MEI4: variants seen among roughly 807,000 people sequenced by gnomAD.
MEI4 encodes meiosis-specific protein MEI4.
Under a neutral mutation model 31.4 loss-of-function variants are expected in MEI4, and 27 were observed. The ratio of observed to expected loss-of-function variants is 0.86; its 90% CI spans 0.63 to 1.19. MEI4 has a LOEUF of 1.19. Ranked by LOEUF, MEI4 falls within the 50% of genes most tolerant of loss-of-function variation. The pLI, the probability that MEI4 is intolerant of heterozygous loss-of-function variation, is 0.00. For missense variants in MEI4, 329 were observed against 398.9 expected, an observed-to-expected ratio of 0.82 and a Z score of 1.49; for synonymous variants, 122 against 145.4, an observed-to-expected ratio of 0.84 and a Z score of 1.16.
intron 3 of MEI4, among the ~76,000 whole-genome samples, chr6:77,785,664 G>C (rs1768715951): frequency 6.6e-6 from 1 of 152,176 alleles, no homozygotes; most frequent in Admixed American, 6.5e-5. Flanking sequence ...TTATTTTTGT[G>C]AGAAGGTGAG....
At position 77,913,196 on chromosome 6, in the gene MEI4, T is replaced by A. The variant is rs145623630; in HGVS notation, c.901-9893T>A. Among the ~76,000 whole-genome samples, 1,230 of 152,292 alleles carry A rather than the reference T, an allele frequency of 8.1e-3. 14 individuals carry two copies. The highest frequency in any genetic ancestry group is 0.048 in the Middle Eastern group (14 of 294). ...GCTGTGTATTTGGTTTTCTAGCATA[T>A]TGTTGATTATGTTTGCAACTGTGTT... On this transcript the variant is annotated intron_variant, in intron 4 of 4. Transcript: ENST00000684080.
intron 2 of MEI4, among the ~76,000 whole-genome samples, chr6:77,734,359 T>A (rs1767113517): frequency 6.6e-6 from 1 of 152,116 alleles, no homozygotes; most frequent in Admixed American, 6.5e-5. Context: ...AGTTAGCTCT[T>A]CTTGTTGAAT....
chr6:77,720,603 G>C (rs1362234350), intron 2 of MEI4, among the ~76,000 whole-genome samples: 1 of 139,208 alleles, frequency 7.2e-6, no homozygotes, highest in Non-Finnish European at 1.6e-5. Flanking sequence ...CCTCTTGAGT[G>C]GGCAGGTGTA....
chr6:77,735,217 C>T (rs1330219535), intron 2 of MEI4, among the ~76,000 whole-genome samples: 1 of 152,004 alleles, frequency 6.6e-6, no homozygotes, highest in East Asian at 1.9e-4. Flanking sequence ...TGGATAATAT[C>T]CTGCAGAGTG....
chr6:77,709,282 T>A (rs964780769), intron 2 of MEI4, among the ~76,000 whole-genome samples: 1 of 152,220 alleles, frequency 6.6e-6, no homozygotes, highest in East Asian at 1.9e-4. Flanking sequence ...TCATTACTTT[T>A]AAAAATTAAT....
At chr6:77,842,364 A>G (rs934748843) in intron 4 of MEI4, among the ~76,000 whole-genome samples, 1 of 152,196 alleles carries the variant, frequency 6.6e-6, no homozygotes, top group Non-Finnish European at 1.5e-5. Flanking sequence ...TTGAAGTGAA[A>G]GTATGACATG....
intron 2 of MEI4, among the ~76,000 whole-genome samples, chr6:77,733,371 T>C (rs781415112): frequency 2.0e-5 from 3 of 152,004 alleles, no homozygotes; most frequent in South Asian, 2.1e-4. Context: ...TGTATGTGTC[T>C]AGGAATTTAT....
At position 77,728,312 on chromosome 6, in the gene MEI4, T is replaced by G. The variant is rs946396771; in HGVS notation, c.233-32818T>G. Among the ~76,000 whole-genome samples the G allele has an allele frequency of 3.3e-5, 5 of 152,220 alleles. No homozygotes were observed. The East Asian group carries it at 9.6e-4, about 29-fold the overall frequency. On this transcript the variant is annotated intron_variant, in intron 2 of 4. Coordinates refer to ENST00000684080, the MANE Select transcript of MEI4 (RefSeq NM_001322247.2). ...AAGAAAAAGTCTGCTTACTACTCATTAGGAGCTTATGATATAGTTAGAAAG... is the reference window on the plus strand; with the variant it reads ...AAGAAAAAGTCTGCTTACTACTCATGAGGAGCTTATGATATAGTTAGAAAG...
chr6:77,789,293 A>T (rs986426381), intron 3 of MEI4, among the ~76,000 whole-genome samples: 32 of 152,232 alleles, frequency 2.1e-4, no homozygotes, highest in Non-Finnish European at 3.8e-4. Flanking sequence ...ACCTAAAACC[A>T]TAAAAACCCT....
rs1771200170 is a variant in MEI4, at chr6:77,871,789, T to G, written c.900+42727T>G. 3.3e-5 allele frequency among the ~76,000 whole-genome samples: 5 copies of G among 152,156 alleles called. No homozygotes were observed. The South Asian group carries it at 1.0e-3, about 31-fold the overall frequency. On this transcript the variant is annotated intron_variant, in intron 4 of 4. Coordinates refer to ENST00000684080, the MANE Select transcript of MEI4 (RefSeq NM_001322247.2). ...ATGTCAACTTTATTCAAGTTGGAAC[T>G]ACACAGAAAGGGGGAGTCACATTTC...
At chr6:77,680,949 A>G (rs1028941979) in intron 1 of MEI4, among the ~76,000 whole-genome samples, 1 of 152,230 alleles carries the variant, frequency 6.6e-6, no homozygotes, top group Non-Finnish European at 1.5e-5. Flanking sequence ...TATCTTCAGT[A>G]TACTCAGAAG....
chr6:77,896,246 T>G (rs1039301978), intron 4 of MEI4, among the ~76,000 whole-genome samples: 3 of 152,146 alleles, frequency 2.0e-5, no homozygotes, highest in African/African-American at 4.8e-5. Flanking sequence ...ATGTGGCATC[T>G]ATTTTATCAC....
At position 77,868,516 on chromosome 6, in the gene MEI4, T is replaced by TATATAC. The variant is rs1554170585; in HGVS notation, c.900+39459_900+39460insCATATA. 2.4e-4 allele frequency among the ~76,000 whole-genome samples: 32 copies of TATATAC among 133,766 alleles called. 2 individuals carry two copies. Among genetic ancestry groups the TATATAC allele is most frequent in the African/African-American group, 9.0e-4 (32 of 35,686 alleles). 87.8% of individuals were successfully genotyped at this position (133,766 alleles called of 152,430 possible). On this transcript the variant is annotated intron_variant, in intron 4 of 4. Transcript: ENST00000684080. ...AAAAAATACTACATATATATATATA[T>TATATAC]ATATATATATATGCAGATTTCAAGT...
chr6:77,870,733 G>C (rs1293668117), intron 4 of MEI4, among the ~76,000 whole-genome samples: 2 of 152,022 alleles, frequency 1.3e-5, no homozygotes, highest in African/African-American at 4.8e-5. Flanking sequence ...GTTTTCATCA[G>C]GTAGTTCCAT....
chr6:77,811,548 C>T (rs1047640724), intron 3 of MEI4, among the ~76,000 whole-genome samples: 8 of 152,104 alleles, frequency 5.3e-5, no homozygotes, highest in South Asian at 4.2e-4. Context: ...GAGGCTGAGG[C>T]AGATGGATCA....
At chr6:77,659,154 G>A (rs1322695839) in intron 1 of MEI4, among the ~76,000 whole-genome samples, 2 of 152,152 alleles carry the variant, frequency 1.3e-5, no homozygotes, top group East Asian at 1.9e-4. Flanking sequence ...TTCCAGTACC[G>A]AGAGCAATAG....
chr6:77,742,923 A>T (rs1767459395), intron 2 of MEI4, among the ~76,000 whole-genome samples: 1 of 152,016 alleles, frequency 6.6e-6, no homozygotes, highest in Non-Finnish European at 1.5e-5. Flanking sequence ...CAAAGATTAG[A>T]TAGTTGTAGA....
intron 4 of MEI4, among the ~76,000 whole-genome samples, chr6:77,877,868 A>G (rs963949074): frequency 2.6e-5 from 4 of 152,196 alleles, no homozygotes; most frequent in African/African-American, 9.6e-5. Context: ...AACAAAAAAA[A>G]AGATTGCTTG....
chr6:77,864,315 T>A (rs1353897095), intron 4 of MEI4, among the ~76,000 whole-genome samples: 1 of 152,130 alleles, frequency 6.6e-6, no homozygotes, highest in African/African-American at 2.4e-5. Flanking sequence ...GACCCATCAG[T>A]GTGCTGTATT....
Sources: allele counts gnomAD v4.1 joint callset (sites outside exome capture counted in the v4.1 genomes callset), GRCh38; gene constraint gnomAD v4.1.1; transcripts MANE v1.5; gene names NCBI Gene and HGNC (gene_info 2026-07-23, HGNC 2026-07-21).